Variants in METTL9 observed in about 807,000 individuals in gnomAD.
METTL9 encodes the protein methyltransferase 9, His-X-His N1(pi)-histidine, also known as protein-L-histidine N-pros-methyltransferase.
In METTL9, 10 loss-of-function variants were observed where a neutral mutation model predicts 36.0. The observed-to-expected ratio is 0.28, with a 90% CI of 0.17 to 0.47. The LOEUF (loss-of-function observed/expected upper bound fraction) is 0.47. Ranked by LOEUF, METTL9 falls within the 20% of genes least tolerant of loss-of-function variation. The pLI is 0.99. For synonymous variants in METTL9, 175 were observed against 149.7 expected, an observed-to-expected ratio of 1.17 and a Z score of -1.23; for missense variants, 246 against 383.5, an observed-to-expected ratio of 0.64 and a Z score of 3.00.
chr16:21,617,213 T>C (rs910741166), intron 2 of METTL9, among the ~76,000 whole-genome samples: 9 of 148,440 alleles, frequency 6.1e-5, no homozygotes, highest in African/African-American at 2.0e-4. Flanking sequence ...GGGCAGGAGA[T>C]CGAGACCATC....
intron 4 of METTL9, chr16:21,644,247 T>C (rs761809154): frequency 7.6e-7 from 1 of 1,317,706 alleles, no homozygotes; most frequent in Non-Finnish European, 1.1e-6. Flanking sequence ...TTTGATAATA[T>C]TCAAGGATAT....
chr16:21,632,186 C>T (rs993638253), intron 4 of METTL9, among the ~76,000 whole-genome samples: 1 of 152,200 alleles, frequency 6.6e-6, no homozygotes, highest in African/African-American at 2.4e-5. Flanking sequence ...AATGGGGGTT[C>T]CCCCCAGAGG....
Position 21,602,713 on chromosome 16 carries a change from A to C in METTL9, c.165+2815A>C, listed in dbSNP as rs1209314040. Among the ~76,000 whole-genome samples the C allele has an allele frequency of 2.0e-5, 3 of 151,544 alleles. No individual in the cohort carries two copies. The South Asian group carries it at 6.2e-4, about 31-fold the overall frequency. On this transcript the variant is annotated intron_variant, in intron 1 of 4. Coordinates refer to ENST00000358154, the MANE Select transcript of METTL9 (RefSeq NM_016025.5). ...CGCTTCGTCACCCAGGCTGGAGCGC[A>C]GTGGCCCAATTTTGGTTCACTGCAA...
At chr16:21,628,262 C>T (rs764574345) in intron 4 of METTL9, among the ~76,000 whole-genome samples, 1 of 152,072 alleles carries the variant, frequency 6.6e-6, no homozygotes, top group Non-Finnish European at 1.5e-5. Flanking sequence ...TTTAAGTGAA[C>T]TGGTTGTTAA....
rs2141609788 is a variant in METTL9 at position 21,641,413 on chromosome 16, A to G, written c.752-13814A>G. On this transcript the variant is annotated intron_variant, in intron 4 of 4. Coordinates refer to ENST00000358154, the MANE Select transcript of METTL9 (RefSeq NM_016025.5). ...CTTACATTCTGACATCCTTCTTTGTAGCCAGTTGTCTTTTCAGTTTACCTT... is the reference window on the plus strand; with the variant it reads ...CTTACATTCTGACATCCTTCTTTGTGGCCAGTTGTCTTTTCAGTTTACCTT... 8.2e-6 allele frequency: 4 copies of G among 490,700 alleles called. No individual in the cohort carries two copies. In the East Asian group the frequency reaches 1.3e-4, roughly 16 times the overall value. 30.4% of individuals were successfully genotyped at this position (490,700 alleles called of 1,614,324 possible).
chr16:21,622,527 C>T lies in METTL9; in HGVS notation c.567-2404C>T, dbSNP rs1386097690. On this transcript the variant is annotated intron_variant, in intron 3 of 4. Transcript: ENST00000358154. The stretch of plus-strand genomic sequence containing the variant: ...AATAATAATCACTTGAATAGATACC[C>T]TCATTCTAGGTTTAGAAATACTGTT... Among the ~76,000 whole-genome samples the T allele has an allele frequency of 6.6e-5, 10 of 152,124 alleles. No homozygotes were observed. In the East Asian group the frequency reaches 1.7e-3, roughly 26 times the overall value.
At chr16:21,601,338 A>G (rs181837050) in intron 1 of METTL9, among the ~76,000 whole-genome samples, 1 of 152,338 alleles carries the variant, frequency 6.6e-6, no homozygotes, top group East Asian at 1.9e-4. Flanking sequence ...GGGGTAGACA[A>G]TGAATTAGAA....
At chr16:21,613,296 G>T (rs138315073) in intron 2 of METTL9, among the ~76,000 whole-genome samples, 87 of 148,352 alleles carry the variant, frequency 5.9e-4, no homozygotes, top group African/African-American at 2.0e-3. Flanking sequence ...TAATTCTCAT[G>T]CCTCAGCCTC....
intron 4 of METTL9, among the ~76,000 whole-genome samples, chr16:21,635,769 C>T (rs538423578): frequency 1.8e-4 from 27 of 152,144 alleles, no homozygotes; most frequent in African/African-American, 2.7e-4. Context: ...AAGACAAAAC[C>T]GCCTGTGTTT....
chr16:21,647,152 CCCT>C (rs758754048), intron 4 of METTL9: 1 of 1,614,116 alleles, frequency 6.2e-7, no homozygotes, highest in South Asian at 1.1e-5. Flanking sequence ...CCAGTGTGGT[CCCT>C]CCTCCTGTCT....
intron 4 of METTL9, among the ~76,000 whole-genome samples, chr16:21,635,437 T>G (rs1427276367): frequency 2.0e-5 from 3 of 152,092 alleles, no homozygotes; most frequent in Admixed American, 2.0e-4. Flanking sequence ...AGCTGAGCGG[T>G]CCTCCTGTGG....
chr16:21,599,428 C>A (rs1225218401), upstream of METTL9: 9 of 1,118,096 alleles, frequency 8.0e-6, no homozygotes, highest in Non-Finnish European at 5.5e-6. This position sits in a 1 kb window ranked among gnomAD's most constrained non-coding sequence, Gnocchi z 4.4. Context: ...CGCCTCCCAG[C>A]GGCCCGCTCA....
intron 2 of METTL9, among the ~76,000 whole-genome samples, chr16:21,614,240 C>T (rs1965500419): frequency 6.6e-6 from 1 of 152,096 alleles, no homozygotes; most frequent in Non-Finnish European, 1.5e-5. Flanking sequence ...ATTTATTCTT[C>T]CTTTGGAATT....
At chr16:21,612,588 A>C (rs1443031222) in intron 1 of METTL9, 57 bp from the exon 2 acceptor site, 13 of 1,409,880 alleles carry the variant, frequency 9.2e-6, no homozygotes, top group Non-Finnish European at 1.2e-5. Context: ...TGGATTTCTT[A>C]GGTGACACTT....
chr16:21,604,573 G>T (rs1283636435), intron 1 of METTL9, among the ~76,000 whole-genome samples: 1 of 152,154 alleles, frequency 6.6e-6, no homozygotes, highest in East Asian at 1.9e-4. Flanking sequence ...CTCACATAAA[G>T]AGGTTATTGG....
chr16:21,599,674 G>T lies in METTL9; in HGVS notation c.-60G>T. ...GTGGCGGCGGTGGCCGGAGGCGGCG[G>T]TGCCTCCTCCTCCTCGCCCCGGCGC... is the stretch of plus-strand genomic sequence containing the variant. On this transcript the variant is annotated 5_prime_UTR_variant, in exon 1 of 5. Transcript: ENST00000358154. This position sits in a 1 kb window ranked among gnomAD's most constrained non-coding sequence, Gnocchi z 4.4. 7.3e-7 allele frequency: 1 copy of T among 1,375,500 alleles called. No homozygotes were observed. The highest frequency in any genetic ancestry group is 9.3e-7 in the Non-Finnish European group (1 of 1,072,626). The allele number at this position is 1,375,500 out of a possible 1,614,324, so 85.2% of individuals were successfully genotyped here. A position where few individuals can be genotyped will look rare whatever the true frequency, so the allele number is the denominator to read the frequency against.
upstream of METTL9, chr16:21,599,489 T>G (rs1015864548): frequency 8.3e-7 from 1 of 1,201,760 alleles, no homozygotes; most frequent in Non-Finnish European, 1.0e-6. This position sits in a 1 kb window ranked among gnomAD's most constrained non-coding sequence, Gnocchi z 4.4. Flanking sequence ...CGCTCGTAAG[T>G]GCTCCGGATG....
At chr16:21,611,241 T>C (rs1319901241) in intron 1 of METTL9, among the ~76,000 whole-genome samples, 1 of 152,188 alleles carries the variant, frequency 6.6e-6, no homozygotes, top group East Asian at 1.9e-4. Context: ...AAATGATTAA[T>C]CTCTGAAATT....
At chr16:21,597,356 C>T (rs1030260085), upstream of METTL9, 1 of 1,156,380 alleles carries the variant, frequency 8.6e-7, no homozygotes, top group Non-Finnish European at 1.2e-6. Flanking sequence ...TCATCGGATG[C>T]TCTGGTTTCT....
Sources: allele counts gnomAD v4.1 joint callset (sites outside exome capture counted in the v4.1 genomes callset), GRCh38; gene constraint gnomAD v4.1.1; non-coding constraint Gnocchi (gnomAD v3.1); transcripts MANE v1.5; gene names NCBI Gene and HGNC (gene_info 2026-07-23, HGNC 2026-07-21).